RAPGEF2: variants seen among roughly 807,000 people sequenced by gnomAD.
RAPGEF2 encodes the protein Rap guanine nucleotide exchange factor 2, also known as PDZ domain containing guanine nucleotide exchange factor (GEF) 1.
Under a neutral mutation model 186.7 loss-of-function variants are expected in RAPGEF2, and 54 were observed. That is an observed-to-expected ratio of 0.29 (90% CI 0.23 to 0.36). The LOEUF is 0.36. RAPGEF2 is among the 10% of genes least tolerant of loss of function. RAPGEF2 has a pLI of 1.00. For synonymous variants in RAPGEF2, 712 were observed against 705.9 expected, an observed-to-expected ratio of 1.01 and a Z score of -0.14; for missense variants, 1,532 against 2,045.0, an observed-to-expected ratio of 0.75 and a Z score of 4.84.
chr4:159,195,071 A>G (rs902301023), intron 3 of RAPGEF2, among the ~76,000 whole-genome samples: 8 of 152,222 alleles, frequency 5.3e-5, no homozygotes, highest in Admixed American at 6.5e-5. Flanking sequence ...ATGTGAAACT[A>G]TGACGTCTGG....
At position 159,343,200 on chromosome 4, in the gene RAPGEF2, A is replaced by T. The variant is rs763865657; in HGVS notation, c.3130+10A>T. 3 of 1,613,888 alleles carry T rather than the reference A, an allele frequency of 1.9e-6. No individual in the cohort carries two copies. The highest frequency in any genetic ancestry group is 2.7e-5 in the African/African-American group (2 of 74,902). The stretch of plus-strand genomic sequence containing the variant: ...ACCTTCCTTCACGAAGGTAAACATA[A>T]GGCAGAGGGTTTCCATCTTTGCTTG... On this transcript the variant is annotated intron_variant, in intron 21 of 29. Coordinates refer to ENST00000691494, the MANE Select transcript of RAPGEF2 (RefSeq NM_001394067.2).
chr4:159,187,449 G>A (rs780700580), intron 2 of RAPGEF2, among the ~76,000 whole-genome samples: 7 of 152,018 alleles, frequency 4.6e-5, no homozygotes, highest in Non-Finnish European at 8.8e-5. Flanking sequence ...CTACTACTTA[G>A]CATTCAGATA....
chr4:159,316,185 C>T (rs905729242), intron 9 of RAPGEF2, among the ~76,000 whole-genome samples: 2 of 152,190 alleles, frequency 1.3e-5, no homozygotes, highest in African/African-American at 4.8e-5. Context: ...TCACTCCTCA[C>T]TATGTCCCCT....
intron 9 of RAPGEF2, among the ~76,000 whole-genome samples, chr4:159,318,368 G>A (rs1764849250): frequency 6.6e-6 from 1 of 152,182 alleles, no homozygotes; most frequent in African/African-American, 2.4e-5. Flanking sequence ...ACAAACATCT[G>A]TATGATTGAT....
chr4:159,223,351 A>G (rs1000616528), intron 4 of RAPGEF2, among the ~76,000 whole-genome samples: 10 of 152,308 alleles, frequency 6.6e-5, no homozygotes, highest in East Asian at 1.9e-4. Context: ...ATTGAGTCAG[A>G]TATTTCAAGA....
intron 1 of RAPGEF2, among the ~76,000 whole-genome samples, chr4:159,170,145 T>C (rs1457632207): frequency 1.3e-5 from 2 of 152,138 alleles, no homozygotes; most frequent in African/African-American, 4.8e-5. Context: ...TAATTTGCAT[T>C]TCTTGGATGA....
intron 1 of RAPGEF2, among the ~76,000 whole-genome samples, chr4:159,180,173 C>T (rs1021993506): frequency 6.6e-6 from 1 of 152,220 alleles, no homozygotes; most frequent in Non-Finnish European, 1.5e-5. Context: ...TTTATGCGAT[C>T]TGTGGTAACT....
intron 3 of RAPGEF2, among the ~76,000 whole-genome samples, chr4:159,198,577 CTGGGATTA>C (rs1749065680): frequency 6.6e-6 from 1 of 151,830 alleles, no homozygotes; most frequent in South Asian, 2.1e-4. Context: ...TCCCAAGTAG[CTGGGATTA>C]CAGGCATGTG....
At chr4:159,291,958 C>T (rs72967717) in intron 7 of RAPGEF2, among the ~76,000 whole-genome samples, 4,075 of 152,120 alleles carry the variant, frequency 0.027, 180 homozygotes, top group African/African-American at 0.09. Flanking sequence ...TGTCCATAAT[C>T]CTACCATGTA....
intron 4 of RAPGEF2, among the ~76,000 whole-genome samples, chr4:159,220,657 T>TC (rs1372710550): frequency 6.6e-6 from 1 of 152,264 alleles, no homozygotes; most frequent in South Asian, 2.1e-4. Flanking sequence ...GTTATCACCT[T>TC]CCCCCTACTC....
chr4:159,121,121 G>A (rs1361496255), intron 1 of RAPGEF2, among the ~76,000 whole-genome samples: 1 of 152,064 alleles, frequency 6.6e-6, no homozygotes, highest in Non-Finnish European at 1.5e-5. Flanking sequence ...CTAAAGTGCT[G>A]GAATTACAGG....
intron 1 of RAPGEF2, among the ~76,000 whole-genome samples, chr4:159,174,528 A>T (rs1178904257): frequency 6.6e-6 from 1 of 152,204 alleles, no homozygotes; most frequent in Non-Finnish European, 1.5e-5. Context: ...TTTTATGGCT[A>T]ATTAATGAGG....
intron 1 of RAPGEF2, among the ~76,000 whole-genome samples, chr4:159,129,521 T>A (rs1175772620): frequency 3.3e-5 from 5 of 152,228 alleles, no homozygotes; most frequent in Non-Finnish European, 2.9e-5. Context: ...TATTCAGTTC[T>A]AACATCAACC....
chr4:159,315,565 G>A (rs891659765), intron 9 of RAPGEF2, among the ~76,000 whole-genome samples: 14 of 152,104 alleles, frequency 9.2e-5, no homozygotes, highest in African/African-American at 3.4e-4. Context: ...TGCGGAAACC[G>A]GTAGTGGCCC....
At chr4:159,217,106 G>T (rs1751062538) in intron 4 of RAPGEF2, among the ~76,000 whole-genome samples, 1 of 151,958 alleles carries the variant, frequency 6.6e-6, no homozygotes, top group African/African-American at 2.4e-5. Context: ...ATGGATGAGT[G>T]GTTCTATGTG....
intron 1 of RAPGEF2, among the ~76,000 whole-genome samples, chr4:159,136,296 T>G (rs542321414): frequency 6.6e-6 from 1 of 152,272 alleles, no homozygotes; most frequent in Non-Finnish European, 1.5e-5. Context: ...TCGTATTAGA[T>G]TTGGGTGTGA....
At chr4:159,310,143 C>G (rs1475237359) in intron 8 of RAPGEF2, among the ~76,000 whole-genome samples, 2 of 152,028 alleles carry the variant, frequency 1.3e-5, no homozygotes, top group African/African-American at 4.8e-5. Flanking sequence ...AACGAAAATG[C>G]AAATGTCTAC....
At chr4:159,268,129 ATT>A in intron 7 of RAPGEF2, 1 of 1,613,060 alleles carries the variant, frequency 6.2e-7, no homozygotes, top group African/African-American at 1.3e-5. Context: ...TGATGTGTAA[ATT>A]CAGTTCAGCA....
Position 159,231,474 on chromosome 4 carries a change from C to T in RAPGEF2, c.282-7335C>T, listed in dbSNP as rs528966170. ...AAGTTTCTCACATGAATCATATATCCGTGTGAGAAATAATATATGTTTTGT... is the reference window on the plus strand; with the variant it reads ...AAGTTTCTCACATGAATCATATATCTGTGTGAGAAATAATATATGTTTTGT... On this transcript the variant is annotated intron_variant, in intron 4 of 29. Coordinates refer to ENST00000691494, the MANE Select transcript of RAPGEF2 (RefSeq NM_001394067.2). Among the ~76,000 whole-genome samples, 20 of 151,428 alleles carry T rather than the reference C, an allele frequency of 1.3e-4. No homozygotes were observed. The East Asian group carries it at 2.1e-3, about 16-fold the overall frequency.
Sources: allele counts gnomAD v4.1 joint callset (sites outside exome capture counted in the v4.1 genomes callset), GRCh38; gene constraint gnomAD v4.1.1; transcripts MANE v1.5; gene names NCBI Gene and HGNC (gene_info 2026-07-23, HGNC 2026-07-21).